THSD7B: variants seen among roughly 807,000 people sequenced by gnomAD.
THSD7B encodes thrombospondin type-1 domain-containing protein 7B.
In THSD7B, 138 loss-of-function variants were observed where a neutral mutation model predicts 213.6. The ratio of observed to expected loss-of-function variants is 0.65; its 90% CI spans 0.56 to 0.74. THSD7B has a LOEUF of 0.74. THSD7B is among the 30% of genes least tolerant of loss of function. THSD7B has a pLI of 0.00. For missense variants in THSD7B, 1,931 were observed against 1,991.5 expected (o/e 0.97, Z 0.58); for synonymous variants, 742 against 687.0 (o/e 1.08, Z -1.25).
At chr2:137,371,785 G>T (rs1685539307) in intron 12 of THSD7B, among the ~76,000 whole-genome samples, 1 of 151,364 alleles carries the variant, frequency 6.6e-6, no homozygotes, top group African/African-American at 2.4e-5. Context: ...ATTTTGCTTT[G>T]ATTTCTGAAA....
intron 1 of THSD7B, among the ~76,000 whole-genome samples, chr2:136,794,362 A>G (rs77367029): frequency 0.038 from 5,799 of 151,802 alleles, 349 homozygotes; most frequent in African/African-American, 0.13. Flanking sequence ...CCCATTAGGC[A>G]TTGCCTTAGT....
rs554790345 is a variant in THSD7B at position 137,438,334 on chromosome 2, G to C, written c.2960-12511G>C. On this transcript the variant is annotated intron_variant, in intron 14 of 27. Coordinates refer to ENST00000409968, the MANE Select transcript of THSD7B (RefSeq NM_001316349.2). ...AATTTTCACCTACTGAGTGCTCACTGTGTGGTCAATACCGTTTAATGCTCT... is the reference window on the plus strand; with the variant it reads ...AATTTTCACCTACTGAGTGCTCACTCTGTGGTCAATACCGTTTAATGCTCT... Among the ~76,000 whole-genome samples, 5 of 152,132 alleles carry C rather than the reference G, an allele frequency of 3.3e-5. No individual in the cohort carries two copies. In the South Asian group the frequency reaches 1.0e-3, roughly 31 times the overall value.
intron 15 of THSD7B, among the ~76,000 whole-genome samples, chr2:137,501,185 C>T (rs1679695374): frequency 6.6e-6 from 1 of 151,294 alleles, no homozygotes; most frequent in African/African-American, 2.5e-5. Context: ...TGCATCTGCC[C>T]CTTTTGGAAT....
chr2:137,569,271 T>A (rs1681305336), intron 16 of THSD7B, among the ~76,000 whole-genome samples: 1 of 152,234 alleles, frequency 6.6e-6, no homozygotes, highest in Non-Finnish European at 1.5e-5. Flanking sequence ...CAAGTTGTAT[T>A]TCCATCCTAC....
Position 136,939,679 on chromosome 2 carries a change from A to G in THSD7B, c.139+57362A>G, listed in dbSNP as rs563170698. The stretch of plus-strand genomic sequence containing the variant: ...TGCTCTTTTCTGAACCATGGTGTGC[A>G]CATCTTTATTATAACCCTTAAGTGT... On this transcript the variant is annotated intron_variant, in intron 2 of 27. Coordinates refer to ENST00000409968, the MANE Select transcript of THSD7B (RefSeq NM_001316349.2). 8.3e-4 allele frequency among the ~76,000 whole-genome samples: 126 copies of G among 152,290 alleles called. 1 individual carries two copies. The highest frequency in any genetic ancestry group is 3.0e-3 in the African/African-American group (124 of 41,568).
At chr2:136,995,757 G>A (rs1174815156) in intron 2 of THSD7B, among the ~76,000 whole-genome samples, 8 of 152,118 alleles carry the variant, frequency 5.3e-5, no homozygotes, top group African/African-American at 1.7e-4. Context: ...GTTGTTACCT[G>A]CCTTTGTCCT....
intron 20 of THSD7B, among the ~76,000 whole-genome samples, chr2:137,630,664 G>C (rs1682723761): frequency 6.6e-6 from 1 of 152,166 alleles, no homozygotes. Context: ...CCAAATTGTG[G>C]AGCTGCAAAG....
chr2:137,554,099 A>G (rs1216466081), intron 15 of THSD7B, among the ~76,000 whole-genome samples: 1 of 151,532 alleles, frequency 6.6e-6, no homozygotes, highest in Non-Finnish European at 1.5e-5. Context: ...GCTGTTCTTC[A>G]CCAAAGTTCC....
At chr2:137,037,326 T>G (rs1310296639) in intron 2 of THSD7B, among the ~76,000 whole-genome samples, 1 of 152,110 alleles carries the variant, frequency 6.6e-6, no homozygotes, top group Non-Finnish European at 1.5e-5. Context: ...GATCTAAATA[T>G]AAATGGACAC....
At chr2:137,076,296 C>T (rs535821537) in intron 3 of THSD7B, among the ~76,000 whole-genome samples, 166 of 152,352 alleles carry the variant, frequency 1.1e-3, no homozygotes, top group Non-Finnish European at 1.9e-3. Context: ...ATGGCGGGCG[C>T]CCCTCCCCCA....
rs576016849 is a variant in THSD7B at position 137,638,525 on chromosome 2, A to G, written c.3800-3963A>G. On this transcript the variant is annotated intron_variant, in intron 20 of 27. Transcript: ENST00000409968. ...TTATCAGCAGTGTGAAAACAGATTAATAGAGTAAATTGATACCAGTACATT... is the reference window on the plus strand; with the variant it reads ...TTATCAGCAGTGTGAAAACAGATTAGTAGAGTAAATTGATACCAGTACATT... Among the ~76,000 whole-genome samples, 96 of 152,322 alleles carry G rather than the reference A, an allele frequency of 6.3e-4. 1 individual carries two copies. The highest frequency in any genetic ancestry group is 8.7e-4 in the Non-Finnish European group (59 of 68,030).
intron 15 of THSD7B, among the ~76,000 whole-genome samples, chr2:137,466,696 T>A (rs112479178): frequency 0.016 from 2,406 of 152,174 alleles, 62 homozygotes; most frequent in African/African-American, 0.055. Flanking sequence ...AATTGCCCTT[T>A]CTCCTCTTTA....
rs926417137 is a variant in THSD7B, at chr2:137,345,979, G to C, written c.2501-59634G>C. On this transcript the variant is annotated intron_variant, in intron 12 of 27. Coordinates refer to ENST00000409968, the MANE Select transcript of THSD7B (RefSeq NM_001316349.2). ...GGTTGCTTGTTGTGGTGGGGGAATA[G>C]GGGAGGGAGCTTGCCCTTTTATTTT... Among the ~76,000 whole-genome samples, 9 of 151,710 alleles carry C rather than the reference G, an allele frequency of 5.9e-5. 1 individual carries two copies. The South Asian group carries it at 1.9e-3, about 31-fold the overall frequency.
At chr2:137,653,701 G>A (rs78722191) in intron 21 of THSD7B, among the ~76,000 whole-genome samples, 7,320 of 149,936 alleles carry the variant, frequency 0.049, 347 homozygotes, top group East Asian at 0.25. Flanking sequence ...GATCCATTCC[G>A]CTTTTGAGAG....
At chr2:137,071,154 G>A (rs1687478724) in intron 3 of THSD7B, among the ~76,000 whole-genome samples, 1 of 152,166 alleles carries the variant, frequency 6.6e-6, no homozygotes, top group African/African-American at 2.4e-5. Context: ...TTCCACAATG[G>A]TTGAACTAGT....
At chr2:137,227,550 A>G (rs1319881189) in intron 7 of THSD7B, among the ~76,000 whole-genome samples, 3 of 152,164 alleles carry the variant, frequency 2.0e-5, no homozygotes, top group Non-Finnish European at 4.4e-5. Context: ...GATCCATCCA[A>G]GAAAATAAAA....
chr2:137,575,802 A>G (rs559719939), intron 17 of THSD7B, among the ~76,000 whole-genome samples: 1 of 151,150 alleles, frequency 6.6e-6, no homozygotes, highest in African/African-American at 2.4e-5. Flanking sequence ...AAGTTGTGTA[A>G]TTGTGCATAC....
intron 15 of THSD7B, among the ~76,000 whole-genome samples, chr2:137,494,919 T>C (rs1679525269): frequency 6.6e-6 from 1 of 152,334 alleles, no homozygotes; most frequent in South Asian, 2.1e-4. Flanking sequence ...ACACATGCTT[T>C]AATACCCATA....
chr2:137,242,391 T>C, intron 9 of THSD7B, 66 bp from the exon 10 acceptor site: 3 of 1,278,808 alleles, frequency 2.3e-6, no homozygotes, highest in Non-Finnish European at 3.4e-6. Flanking sequence ...TCTAAAATCC[T>C]ATAGTTCTGC....
Sources: allele counts gnomAD v4.1 joint callset (sites outside exome capture counted in the v4.1 genomes callset), GRCh38; gene constraint gnomAD v4.1.1; transcripts MANE v1.5; gene names NCBI Gene and HGNC (gene_info 2026-07-23, HGNC 2026-07-21).